The following TANGO6 variants were observed in gnomAD, a reference collection of about 807,000 sequenced individuals.
TANGO6 encodes the protein transport and golgi organization 6 homolog.
A neutral mutation model predicts 114.2 loss-of-function variants in TANGO6; 90 were observed. The observed-to-expected ratio is 0.79, with a 90% CI of 0.66 to 0.94. TANGO6 has a LOEUF of 0.94. Ranked by LOEUF, TANGO6 falls within the 40% of genes least tolerant of loss-of-function variation. The probability of loss-of-function intolerance (pLI) is 0.00; values close to 1 mark genes in which losing one functional copy is unlikely to be tolerated. For missense variants in TANGO6, 1,274 were observed against 1,315.3 expected (o/e 0.97, Z 0.49); for synonymous variants, 477 against 509.8 (o/e 0.94, Z 0.87).
chr16:68,896,046 AGGCT>A (rs1962699717), intron 7 of TANGO6, among the ~76,000 whole-genome samples: 1 of 151,794 alleles, frequency 6.6e-6, no homozygotes, highest in Admixed American at 6.6e-5. Context: ...TCTGTCACCC[AGGCT>A]GGAGTGCAGT....
At chr16:68,936,048 C>T (rs1270137538) in intron 14 of TANGO6, among the ~76,000 whole-genome samples, 3 of 151,996 alleles carry the variant, frequency 2.0e-5, no homozygotes, top group Non-Finnish European at 4.4e-5. Flanking sequence ...GCTAGGTGTG[C>T]TGGTGTGCAC....
chr16:69,032,884 A>C (rs1959621409), intron 16 of TANGO6, among the ~76,000 whole-genome samples: 1 of 145,944 alleles, frequency 6.9e-6, no homozygotes, highest in African/African-American at 2.5e-5. Context: ...TCAAAAAAAA[A>C]AAAAAAAGAA....
intron 14 of TANGO6, among the ~76,000 whole-genome samples, chr16:68,960,115 T>C (rs1169626631): frequency 6.6e-6 from 1 of 152,210 alleles, no homozygotes; most frequent in Non-Finnish European, 1.5e-5. Flanking sequence ...TGTGCTTTTT[T>C]ACTCTTTGAA....
chr16:68,867,356 G>A (rs1195481201), intron 4 of TANGO6, 136 bp downstream of exon 4: 2 of 1,147,254 alleles, frequency 1.7e-6, no homozygotes, highest in African/African-American at 1.6e-5. Flanking sequence ...GATTGAACAG[G>A]TTAAACTTAG....
intron 14 of TANGO6, among the ~76,000 whole-genome samples, chr16:68,934,296 C>T (rs540293027): frequency 2.6e-4 from 39 of 152,240 alleles, no homozygotes; most frequent in African/African-American, 8.4e-4. Context: ...CCTCTTACTT[C>T]AGCCTCCCAA....
At chr16:68,997,868 T>G (rs1418452047) in intron 15 of TANGO6, among the ~76,000 whole-genome samples, 1 of 152,202 alleles carries the variant, frequency 6.6e-6, no homozygotes, top group African/African-American at 2.4e-5. Flanking sequence ...ATCCATCTTC[T>G]GTAACTTCTT....
chr16:68,907,320 G>C, intron 9 of TANGO6, 123 bp from the exon 10 acceptor site: 1 of 1,058,738 alleles, frequency 9.4e-7, no homozygotes, highest in Non-Finnish European at 1.3e-6. Flanking sequence ...AAATAAATTT[G>C]GGGGATCTTT....
chr16:68,872,838 A>G (rs915425985), intron 4 of TANGO6, among the ~76,000 whole-genome samples: 4 of 151,530 alleles, frequency 2.6e-5, no homozygotes, highest in Non-Finnish European at 5.9e-5. Context: ...CTGGGACTAC[A>G]GGTTTGTGCC....
intron 14 of TANGO6, among the ~76,000 whole-genome samples, chr16:68,953,001 T>A (rs1963486020): frequency 6.6e-6 from 1 of 151,372 alleles, no homozygotes; most frequent in Non-Finnish European, 1.5e-5. Flanking sequence ...GTTTTCTTTT[T>A]GTTGTTGTTG....
intron 14 of TANGO6, among the ~76,000 whole-genome samples, chr16:68,955,911 A>T (rs1370355365): frequency 6.6e-6 from 1 of 152,208 alleles, no homozygotes; most frequent in African/African-American, 2.4e-5. Context: ...ACACTTTGGG[A>T]GGCCCGAGGC....
rs1405095620 is a variant in TANGO6 at position 68,974,678 on chromosome 16, A to C, written c.2842+510A>C. 2.6e-5 allele frequency among the ~76,000 whole-genome samples: 4 copies of C among 151,800 alleles called. No individual in the cohort carries two copies. In the East Asian group the frequency reaches 7.7e-4, roughly 29 times the overall value. On this transcript the variant is annotated intron_variant, in intron 15 of 17. Transcript: ENST00000261778. ...TCCATCTCAAAAATAACAACAACAAAAAAAACTGCTTAGTCTCCTTCCCTG... is the reference window on the plus strand; with the variant it reads ...TCCATCTCAAAAATAACAACAACAACAAAAACTGCTTAGTCTCCTTCCCTG...
intron 17 of TANGO6, among the ~76,000 whole-genome samples, chr16:69,067,600 A>G (rs1960235953): frequency 6.6e-6 from 1 of 151,118 alleles, no homozygotes; most frequent in African/African-American, 2.4e-5. Context: ...CGGGCGGATC[A>G]TGAGGTCAGG....
intron 15 of TANGO6, among the ~76,000 whole-genome samples, chr16:68,981,987 G>A (rs1354747810): frequency 6.6e-6 from 1 of 152,180 alleles, no homozygotes; most frequent in East Asian, 1.9e-4. Context: ...GGCAATGTCT[G>A]GAGACACTTT....
At chr16:69,054,729 C>T (rs1375236695) in intron 17 of TANGO6, among the ~76,000 whole-genome samples, 5 of 151,214 alleles carry the variant, frequency 3.3e-5, no homozygotes, top group South Asian at 2.1e-4. Context: ...GTCAGGAGAT[C>T]GAGACCATCC....
rs62055789 is a variant in TANGO6, at chr16:68,844,380, A to G, written c.94+669A>G. On this transcript the variant is annotated intron_variant, in intron 1 of 17. Transcript: ENST00000261778. ...CAAATTAGGGGCAGAACACGGACCT[A>G]GGCCCGAGATCTACTGAACCCCCTT... Among the ~76,000 whole-genome samples the G allele has an allele frequency of 6.8e-3, 1,030 of 152,250 alleles. 6 individuals are homozygous for G. Among genetic ancestry groups the G allele is most frequent in the Middle Eastern group, 0.014 (4 of 294 alleles).
chr16:68,982,629 C>CATTTT (rs1567553024), intron 15 of TANGO6, among the ~76,000 whole-genome samples: 1 of 120,536 alleles, frequency 8.3e-6, no homozygotes, highest in African/African-American at 4.0e-5. Context: ...CATGCCCTGG[C>CATTTT]CTTTTTTTTT....
chr16:68,923,426 G>A (rs12444751), intron 12 of TANGO6, among the ~76,000 whole-genome samples: 1 of 152,122 alleles, frequency 6.6e-6, no homozygotes, highest in Non-Finnish European at 1.5e-5. Context: ...GTCTATTGCA[G>A]AATGGAGGAA....
In TANGO6 at chr16:68,974,142, T is replaced by C; in HGVS notation, c.2816T>C (p.Val939Ala). The C allele has an allele frequency of 6.2e-7, 1 of 1,613,918 alleles. No individual in the cohort carries two copies. Reference protein sequence around the residue: ...TPETRMKVGEVLMRIVRALGD... With the variant: ...TPETRMKVGEALMRIVRALGD... ...GAGACCAGAATGAAAGTCGGGGAAG[T>C]CCTTATGCGAATCGTCAGGGCATTA... The change falls in exon 15 of 18, where the codon GTC becomes GCC. Residue 939 changes from valine (V) to alanine (A), a missense_variant. By Grantham distance (64) the Val-to-Ala change is moderately conservative (BLOSUM62 0). Transcript: ENST00000261778.
intron 1 of TANGO6, among the ~76,000 whole-genome samples, chr16:68,854,687 T>C (rs189764332): frequency 6.6e-6 from 1 of 152,148 alleles, no homozygotes; most frequent in East Asian, 1.9e-4. Context: ...GGAATTTTCT[T>C]TCCCAGTTGT....
Sources: gnomAD v4.1 joint callset for allele counts (sites outside exome capture counted in the v4.1 genomes callset) on GRCh38, gnomAD v4.1.1 for gene constraint, MANE v1.5 for transcripts, NCBI Gene and HGNC (gene_info 2026-07-23, HGNC 2026-07-21) for gene names.